Variants in PRLR observed in about 807,000 individuals in gnomAD.
The protein encoded by PRLR is hPRL receptor.
In PRLR, 13 loss-of-function variants were observed where a neutral mutation model predicts 40.2. The observed-to-expected ratio is 0.32, with a 90% CI of 0.21 to 0.51. PRLR has a LOEUF of 0.51. PRLR is among the 20% of genes least tolerant of loss of function. The pLI is 0.97. For missense variants in PRLR, 656 were observed against 747.3 expected, an observed-to-expected ratio of 0.88 and a Z score of 1.42; for synonymous variants, 269 against 278.7, an observed-to-expected ratio of 0.97 and a Z score of 0.35.
intron 1 of PRLR, among the ~76,000 whole-genome samples, chr5:35,193,069 T>C (rs1163914457): frequency 6.6e-6 from 1 of 152,184 alleles, no homozygotes; most frequent in Non-Finnish European, 1.5e-5. Context: ...CCCTTCTCCC[T>C]GTGGACATAT....
At chr5:35,130,036 G>A (rs1224008776) in intron 1 of PRLR, among the ~76,000 whole-genome samples, 3 of 152,172 alleles carry the variant, frequency 2.0e-5, no homozygotes, top group Non-Finnish European at 2.9e-5. Context: ...TACCAAGGGT[G>A]CCTGCTGGGG....
chr5:35,119,275 G>A (rs1773189565), intron 1 of PRLR, among the ~76,000 whole-genome samples: 1 of 152,160 alleles, frequency 6.6e-6, no homozygotes, highest in Non-Finnish European at 1.5e-5. Context: ...GAGGAAGCCA[G>A]TGCTGAATAT....
exon 9 of PRLR, chr5:35,049,318 A>T (rs1411379088): frequency 1.4e-6 from 1 of 703,320 alleles, no homozygotes; most frequent in South Asian, 1.5e-5. Flanking sequence ...TGCCTTTGTG[A>T]ACACCGCAAG....
rs1771973112 is a variant in PRLR, at chr5:35,102,630, A to T, written c.-43-12967T>A. ...CAATCTTGGCTCACTGCAACCTCCAATGCCCGGGTTCAAGAAATTCTCCTG... is the reference window on the plus strand; with the variant it reads ...CAATCTTGGCTCACTGCAACCTCCATTGCCCGGGTTCAAGAAATTCTCCTG... On this transcript the variant is annotated intron_variant, in intron 2 of 9. Coordinates refer to ENST00000618457, the MANE Select transcript of PRLR (RefSeq NM_000949.7). Among the ~76,000 whole-genome samples the T allele has an allele frequency of 1.3e-5, 2 of 150,782 alleles. 1 individual carries two copies. Among genetic ancestry groups the T allele is most frequent in the South Asian group, 4.2e-4 (2 of 4,776 alleles).
intron 2 of PRLR, among the ~76,000 whole-genome samples, chr5:35,108,440 CTT>C: frequency 6.6e-6 from 1 of 152,138 alleles, no homozygotes; most frequent in Non-Finnish European, 1.5e-5. Flanking sequence ...AATTGTCCCT[CTT>C]TGCAGATGAC....
intron 5 of PRLR, among the ~76,000 whole-genome samples, chr5:35,073,781 AC>A (rs1769898343): frequency 6.6e-6 from 1 of 152,230 alleles, no homozygotes; most frequent in Non-Finnish European, 1.5e-5. Flanking sequence ...GCCAAGAAGC[AC>A]ATGAAAAGAT....
chr5:35,050,673 T>C (rs1768463873), intron 8 of PRLR, among the ~76,000 whole-genome samples: 1 of 152,242 alleles, frequency 6.6e-6, no homozygotes, highest in East Asian at 1.9e-4. Flanking sequence ...CAGTGATTTA[T>C]CAGTTAAGTC....
At chr5:35,181,992 C>T (rs960960432) in intron 1 of PRLR, among the ~76,000 whole-genome samples, 1 of 152,142 alleles carries the variant, frequency 6.6e-6, no homozygotes, top group Non-Finnish European at 1.5e-5. Flanking sequence ...TGACTACCAA[C>T]TCCCACTGCA....
chr5:35,208,438 T>C (rs1373056107), intron 1 of PRLR, among the ~76,000 whole-genome samples: 1 of 152,182 alleles, frequency 6.6e-6, no homozygotes, highest in Non-Finnish European at 1.5e-5. Flanking sequence ...CTGGTTTTGT[T>C]TGTCTATCCC....
At chr5:35,069,695 G>A (rs1769617035) in intron 7 of PRLR, among the ~76,000 whole-genome samples, 1 of 152,228 alleles carries the variant, frequency 6.6e-6, no homozygotes, top group African/African-American at 2.4e-5. Flanking sequence ...TGCTTTGCTG[G>A]AGCTGTCTAT....
chr5:35,173,808 T>G lies in PRLR; in HGVS notation c.-105-55686A>C, dbSNP rs188074889. Among the ~76,000 whole-genome samples, 512 of 152,314 alleles carry G rather than the reference T, an allele frequency of 3.4e-3. 2 individuals carry two copies. Among genetic ancestry groups the G allele is most frequent in the Middle Eastern group, 6.8e-3 (2 of 294 alleles). On this transcript the variant is annotated intron_variant, in intron 1 of 9. Coordinates refer to ENST00000618457, the MANE Select transcript of PRLR (RefSeq NM_000949.7). The stretch of plus-strand genomic sequence containing the variant: ...GCATTCCTTTAAAGGGTAGTTTTTT[T>G]TTGTTGTTGTTTCTTTTCTTTTCTT...
intron 1 of PRLR, among the ~76,000 whole-genome samples, chr5:35,173,758 G>A (rs1016786348): frequency 6.6e-6 from 1 of 152,116 alleles, no homozygotes; most frequent in African/African-American, 2.4e-5. Context: ...AAATGAATGT[G>A]AAAGAAATAA....
intron 2 of PRLR, among the ~76,000 whole-genome samples, chr5:35,097,012 A>T (rs1164132600): frequency 6.6e-6 from 1 of 152,220 alleles, no homozygotes; most frequent in Non-Finnish European, 1.5e-5. Flanking sequence ...CATTTTAAAA[A>T]AAACCTTTCT....
At chr5:35,198,537 A>G (rs945665449) in intron 1 of PRLR, among the ~76,000 whole-genome samples, 14 of 152,218 alleles carry the variant, frequency 9.2e-5, no homozygotes, top group Non-Finnish European at 2.1e-4. Context: ...CTCAGATGTA[A>G]GAGTCTGAAA....
In PRLR at chr5:35,088,620, A is replaced by G. The variant is rs2112470914; in HGVS notation, c.70+931T>C. 1.3e-5 allele frequency among the ~76,000 whole-genome samples: 2 copies of G among 152,326 alleles called. 1 individual carries two copies. Among genetic ancestry groups the G allele is most frequent in the African/African-American group, 4.8e-5 (2 of 41,562 alleles). The stretch of plus-strand genomic sequence containing the variant: ...GGTAGATTTGTAAAATTACAATTAG[A>G]CAAATGTTTCCTTCATCTGCATTAG... On this transcript the variant is annotated intron_variant, in intron 3 of 9. Coordinates refer to ENST00000618457, the MANE Select transcript of PRLR (RefSeq NM_000949.7).
intron 2 of PRLR, among the ~76,000 whole-genome samples, chr5:35,113,246 C>A: frequency 6.7e-6 from 1 of 150,336 alleles, no homozygotes; most frequent in Non-Finnish European, 1.5e-5. Flanking sequence ...ATCTATCAAC[C>A]ACCCACCCAT....
chr5:35,228,722 G>A (rs879664438), intron 1 of PRLR, among the ~76,000 whole-genome samples: 1 of 152,200 alleles, frequency 6.6e-6, no homozygotes, highest in Non-Finnish European at 1.5e-5. Flanking sequence ...GAGCTCTGGA[G>A]AGAGCATGTG....
At chr5:35,153,483 T>C (rs776480550) in intron 1 of PRLR, among the ~76,000 whole-genome samples, 2 of 152,304 alleles carry the variant, frequency 1.3e-5, no homozygotes, top group Admixed American at 6.5e-5. Flanking sequence ...AAAAGCCATA[T>C]GTAAAACTGG....
chr5:35,065,070 C>A lies in PRLR; in HGVS notation c.*19G>T. The stretch of plus-strand genomic sequence containing the variant: ...GAAGAAAAATCACATTTTAACCAAT[C>A]ATTCCATTAGTCAAGCTATCAGTGA... On this transcript the variant is annotated 3_prime_UTR_variant, in exon 10 of 10. Coordinates refer to ENST00000618457, the MANE Select transcript of PRLR (RefSeq NM_000949.7). 6.3e-7 allele frequency: 1 copy of A among 1,593,482 alleles called. No homozygotes were observed. The highest frequency in any genetic ancestry group is 8.6e-7 in the Non-Finnish European group (1 of 1,168,234).
Sources: allele counts gnomAD v4.1 joint callset (sites outside exome capture counted in the v4.1 genomes callset), GRCh38; gene constraint gnomAD v4.1.1; transcripts MANE v1.5; gene names NCBI Gene and HGNC (gene_info 2026-07-23, HGNC 2026-07-21).